The following IDNK variants were observed in gnomAD, a reference collection of about 807,000 sequenced individuals.
The protein encoded by IDNK is IDNK gluconokinase.
IDNK carries 9 observed loss-of-function variants against 13.0 expected under a neutral mutation model. The ratio of observed to expected loss-of-function variants is 0.69; its 90% CI spans 0.42 to 1.21. The LOEUF (loss-of-function observed/expected upper bound fraction) is 1.21, where lower values mean the gene tolerates loss of function less well. Ranked by LOEUF, IDNK falls within the 50% of genes most tolerant of loss-of-function variation. The pLI is 0.00. For missense variants in IDNK, 210 were observed against 237.8 expected, an observed-to-expected ratio of 0.88 and a Z score of 0.77; for synonymous variants, 92 against 94.9, an observed-to-expected ratio of 0.97 and a Z score of 0.18.
At chr9:83,632,480 C>G (rs1216097761) in intron 3 of IDNK, among the ~76,000 whole-genome samples, 1 of 140,416 alleles carries the variant, frequency 7.1e-6, no homozygotes, top group Non-Finnish European at 1.5e-5. Context: ...AGTCGTTTGG[C>G]TTCCCTGGGC....
chr9:83,629,149 AG>A (rs1564145503), intron 3 of IDNK, among the ~76,000 whole-genome samples, 190 bp downstream of exon 3: 3 of 152,206 alleles, frequency 2.0e-5, no homozygotes. Context: ...ACATGGCCCC[AG>A]GAACAATGCC....
chr9:83,627,935 T>G, intron 1 of IDNK: 4 of 1,039,740 alleles, frequency 3.8e-6, no homozygotes, highest in East Asian at 4.0e-5. Flanking sequence ...TTTAATGAGA[T>G]CTTATATATT....
chr9:83,640,969 A>G (rs1831289402), intron 3 of IDNK, among the ~76,000 whole-genome samples: 1 of 152,216 alleles, frequency 6.6e-6, no homozygotes, highest in African/African-American at 2.4e-5. Flanking sequence ...TTTCCAATGC[A>G]TTATGGCCAA....
intron 4 of IDNK, among the ~76,000 whole-genome samples, chr9:83,642,186 G>A (rs1831329708): frequency 6.6e-6 from 1 of 152,186 alleles, no homozygotes; most frequent in Non-Finnish European, 1.5e-5. Flanking sequence ...TGACCCCAGT[G>A]GAAATCCTGG....
intron 3 of IDNK, among the ~76,000 whole-genome samples, chr9:83,629,510 C>G (rs1193489964): frequency 6.6e-6 from 1 of 152,248 alleles, no homozygotes; most frequent in Non-Finnish European, 1.5e-5. Context: ...GCCTCCATAT[C>G]TCCACAGGAG....
At chr9:83,636,128 A>C (rs1831160838) in intron 3 of IDNK, among the ~76,000 whole-genome samples, 1 of 152,206 alleles carries the variant, frequency 6.6e-6, no homozygotes, top group Non-Finnish European at 1.5e-5. Flanking sequence ...GCTAATTACA[A>C]GGGGAATAAG....
chr9:83,641,192 A>C (rs1290565634), intron 3 of IDNK, among the ~76,000 whole-genome samples: 6 of 152,238 alleles, frequency 3.9e-5, no homozygotes, highest in African/African-American at 4.8e-5. Flanking sequence ...TTATGTGAAT[A>C]TCTCTCTACA....
intron 3 of IDNK, among the ~76,000 whole-genome samples, chr9:83,641,225 G>C (rs527367164): frequency 3.3e-5 from 5 of 152,322 alleles, no homozygotes; most frequent in African/African-American, 1.2e-4. Flanking sequence ...GATACCTAAA[G>C]AATACAGGCA....
At chr9:83,643,384 C>T in intron 4 of IDNK, 45 bp from the exon 5 acceptor site, 1 of 1,458,728 alleles carries the variant, frequency 6.9e-7, no homozygotes, top group Non-Finnish European at 9.3e-7. Flanking sequence ...CTTTAAATGT[C>T]CTCCTTCTTT....
intron 4 of IDNK, among the ~76,000 whole-genome samples, chr9:83,642,727 A>G (rs1053654679): frequency 4.6e-5 from 7 of 152,136 alleles, no homozygotes; most frequent in African/African-American, 1.7e-4. Context: ...CTCAGCAGCC[A>G]AGTGGAAGCT....
At position 83,643,982 on chromosome 9, in the gene IDNK, A is replaced by G. The variant is rs1332003725; in HGVS notation, c.*202A>G. ...AGCAGAGGGGGAGTTTTAAAAGTCA[A>G]GCTTAAATTGAAGTTTAAATTCATC... On this transcript the variant is annotated 3_prime_UTR_variant, in exon 5 of 5. Coordinates refer to ENST00000376419, the MANE Select transcript of IDNK (RefSeq NM_001001551.4). 3 of 515,470 alleles carry G rather than the reference A, an allele frequency of 5.8e-6. No individual in the cohort carries two copies. Among genetic ancestry groups the G allele is most frequent in the Non-Finnish European group, 1.0e-5 (3 of 289,870 alleles). 31.9% of individuals were successfully genotyped at this position (515,470 alleles called of 1,614,324 possible). A position where few individuals can be genotyped will look rare whatever the true frequency, so the allele number is the denominator to read the frequency against.
chr9:83,626,625 C>T (rs1453930522), intron 1 of IDNK: 7 of 979,422 alleles, frequency 7.1e-6, no homozygotes, highest in Admixed American at 4.7e-5. Context: ...CCATGTTGGC[C>T]GAGCTAGTCC....
At chr9:83,624,502 T>C (rs1201785442) in intron 1 of IDNK, among the ~76,000 whole-genome samples, 1 of 152,138 alleles carries the variant, frequency 6.6e-6, no homozygotes, top group Non-Finnish European at 1.5e-5. Flanking sequence ...TGAATATATG[T>C]AGTGTGTGAG....
At chr9:83,642,798 T>A (rs1831347082) in intron 4 of IDNK, among the ~76,000 whole-genome samples, 1 of 152,198 alleles carries the variant, frequency 6.6e-6, no homozygotes, top group African/African-American at 2.4e-5. Flanking sequence ...CTGCTGTGTC[T>A]GCCTCTGTTT....
intron 3 of IDNK, among the ~76,000 whole-genome samples, chr9:83,639,103 C>CTA (rs1240917709): frequency 6.6e-6 from 1 of 152,078 alleles, no homozygotes; most frequent in Admixed American, 6.6e-5. Context: ...ACATTTTTTA[C>CTA]TATAATGAAC....
At chr9:83,626,624 C>A in intron 1 of IDNK, 3 of 966,066 alleles carry the variant, frequency 3.1e-6, no homozygotes, top group Non-Finnish European at 4.3e-6. Flanking sequence ...GCCATGTTGG[C>A]CGAGCTAGTC....
At chr9:83,627,447 C>T (rs139651788) in intron 1 of IDNK, among the ~76,000 whole-genome samples, 3 of 152,092 alleles carry the variant, frequency 2.0e-5, no homozygotes, top group Admixed American at 1.3e-4. Flanking sequence ...GCTCAGATCC[C>T]TTGTTTTGCA....
chr9:83,628,932 G>A lies in IDNK; in HGVS notation c.141G>A (p.Met47Ile), dbSNP rs1475221915. 2.5e-6 allele frequency: 4 copies of A among 1,613,946 alleles called. No individual in the cohort carries two copies. Among genetic ancestry groups the A allele is most frequent in the Non-Finnish European group, 3.4e-6 (4 of 1,179,798 alleles). The change falls in exon 3 of 5, where the codon ATG becomes ATA. Residue 47 changes from methionine (M) to isoleucine (I), a missense_variant. Transcript: ENST00000376419. The stretch of plus-strand genomic sequence containing the variant: ...ACCCGGAGGAAAATCGAAGGAAGAT[G>A]GGAAAAGGCATACCGCTCAATGACC... ...DYHPEENRRK[M>I]GKGIPLNDQD...
rs1831370611 is a variant in IDNK at position 83,643,447 on chromosome 9, G to A, written c.231G>A (p.Gln77=). Residue 77 remains glutamine, a synonymous_variant, in exon 5 of 5, where the codon CAG becomes CAA. Transcript: ENST00000376419. ...TAAACAGAGATGTAGCCTCGGGACA[G>A]CGTGTGGTTCTAGCCTGTTCAGCCC... ...DILLRDVASG[Q]RVVLACSALK... The A allele has an allele frequency of 6.2e-7, 1 of 1,607,846 alleles. No homozygotes were observed. The highest frequency in any genetic ancestry group is 1.7e-5 in the Admixed American group (1 of 59,746).
Sources: gnomAD v4.1 joint callset for allele counts (sites outside exome capture counted in the v4.1 genomes callset) on GRCh38, gnomAD v4.1.1 for gene constraint, MANE v1.5 for transcripts, NCBI Gene and HGNC (gene_info 2026-07-23, HGNC 2026-07-21) for gene names.